SMC1B: variants seen among roughly 807,000 people sequenced by gnomAD.
SMC1B encodes the protein structural maintenance of chromosomes 1B.
SMC1B carries 60 observed loss-of-function variants against 157.9 expected under a neutral mutation model. The ratio of observed to expected loss-of-function variants is 0.38; its 90% CI spans 0.31 to 0.47. SMC1B has a LOEUF of 0.47. Ranked by LOEUF, SMC1B falls within the 20% of genes least tolerant of loss-of-function variation. The pLI is 0.99. For missense variants in SMC1B, 1,165 were observed against 1,426.2 expected (o/e 0.82, Z 2.95); for synonymous variants, 445 against 483.0 (o/e 0.92, Z 1.03).
At chr22:45,345,170 T>C (rs1329684525) in intron 24 of SMC1B, among the ~76,000 whole-genome samples, 2 of 152,248 alleles carry the variant, frequency 1.3e-5, no homozygotes, top group Non-Finnish European at 2.9e-5. Context: ...AAATAAGAAG[T>C]ATAATGTTAA....
intron 5 of SMC1B, 76 bp downstream of exon 5, chr22:45,402,257 C>T: frequency 2.0e-6 from 2 of 988,438 alleles, no homozygotes; most frequent in Non-Finnish European, 3.1e-6. Flanking sequence ...AATCAATTTT[C>T]AAAGTGTCAC....
chr22:45,395,537 T>G (rs1233011131), intron 7 of SMC1B, among the ~76,000 whole-genome samples: 1 of 152,230 alleles, frequency 6.6e-6, no homozygotes, highest in Non-Finnish European at 1.5e-5. Flanking sequence ...TTAATTTTTA[T>G]GCGATCTGAC....
intron 15 of SMC1B, among the ~76,000 whole-genome samples, chr22:45,367,310 C>T (rs2086785991): frequency 6.6e-6 from 1 of 152,184 alleles, no homozygotes; most frequent in Non-Finnish European, 1.5e-5. Context: ...CGCTGATAGG[C>T]TCACTGCCTG....
intron 21 of SMC1B, 74 bp downstream of exon 21, chr22:45,353,904 A>AAC: frequency 1.6e-6 from 1 of 626,828 alleles, no homozygotes; most frequent in Non-Finnish European, 2.4e-6. Context: ...AAAAAAAAAA[A>AAC]AAAAAAAAAA....
At chr22:45,388,856 C>A (rs2087021164) in intron 10 of SMC1B, among the ~76,000 whole-genome samples, 1 of 151,384 alleles carries the variant, frequency 6.6e-6, no homozygotes. Context: ...GGCGTGCTGG[C>A]ACATACCTGT....
chr22:45,378,851 A>G (rs1169238723), intron 12 of SMC1B, among the ~76,000 whole-genome samples: 3 of 152,254 alleles, frequency 2.0e-5, no homozygotes, highest in Non-Finnish European at 2.9e-5. Flanking sequence ...AATTGTAAGT[A>G]CTTACTGAAA....
chr22:45,360,151 A>G (rs2146775092), intron 17 of SMC1B, among the ~76,000 whole-genome samples, 193 bp from the exon 18 acceptor site: 1 of 152,306 alleles, frequency 6.6e-6, no homozygotes, highest in East Asian at 1.9e-4. Context: ...GAATATACTC[A>G]GTTAATCTAA....
At chr22:45,394,469 A>G (rs1177863225) in intron 8 of SMC1B, among the ~76,000 whole-genome samples, 2 of 152,024 alleles carry the variant, frequency 1.3e-5, no homozygotes, top group East Asian at 3.9e-4. Flanking sequence ...GTGAAACCCC[A>G]TCTTTACCAG....
At chr22:45,346,455 A>G (rs2086553035) in intron 23 of SMC1B, among the ~76,000 whole-genome samples, 2 of 152,150 alleles carry the variant, frequency 1.3e-5, no homozygotes, top group South Asian at 4.1e-4. Flanking sequence ...CCAAGAAGAG[A>G]AAAACTACCA....
Position 45,359,955 on chromosome 22 carries a change from T to C in SMC1B, c.2712A>G (p.Glu904=), listed in dbSNP as rs2086705834. 1 of 1,612,658 alleles carries C rather than the reference T, an allele frequency of 6.2e-7. No homozygotes were observed. The highest frequency in any genetic ancestry group is 1.3e-5 in the African/African-American group (1 of 74,906). The stretch of plus-strand genomic sequence containing the variant: ...CAACTTCTTTTTGCAATTTCCCCAC[T>C]TCCCTGTAATTACACAGATATGAAA... ...ERKKFLAVDR[E]VGKLQKEVVS... is the part of the protein sequence containing the mutation. The change falls in exon 18 of 25, where the codon GAA becomes GAG. Residue 904 remains glutamate, a synonymous_variant. Coordinates refer to ENST00000357450, the MANE Select transcript of SMC1B (RefSeq NM_148674.5).
intron 11 of SMC1B, among the ~76,000 whole-genome samples, chr22:45,385,307 G>A (rs545239076): frequency 6.6e-6 from 1 of 152,016 alleles, no homozygotes; most frequent in Non-Finnish European, 1.5e-5. Flanking sequence ...AAGTAAACAA[G>A]TAAACCAAAA....
At chr22:45,394,846 T>A in intron 7 of SMC1B, 79 bp from the exon 8 acceptor site, 3 of 1,274,680 alleles carry the variant, frequency 2.4e-6, no homozygotes, top group Non-Finnish European at 3.0e-6. Context: ...CTTACTATAA[T>A]ATTATAAGCT....
intron 11 of SMC1B, among the ~76,000 whole-genome samples, chr22:45,385,657 CTTTAA>C (rs1028864369): frequency 8.2e-4 from 124 of 152,142 alleles, no homozygotes; most frequent in Middle Eastern, 3.4e-3. Flanking sequence ...CATGTGACTT[CTTTAA>C]TTTGACTATA....
In SMC1B at chr22:45,408,914, G is replaced by A; in HGVS notation, c.110-16C>T. ...TTAGATTTTCCTGGGGAAGAAAAGAGATAAAACATTATTCATTCTTAATGA... is the reference window on the plus strand; with the variant it reads ...TTAGATTTTCCTGGGGAAGAAAAGAAATAAAACATTATTCATTCTTAATGA... On this transcript the variant is annotated splice_polypyrimidine_tract_variant and intron_variant, in intron 1 of 24. Transcript: ENST00000357450. 1 of 1,427,668 alleles carries A rather than the reference G, an allele frequency of 7.0e-7. No individual in the cohort carries two copies. Among genetic ancestry groups the A allele is most frequent in the Non-Finnish European group, 9.3e-7 (1 of 1,070,264 alleles). 88.4% of individuals were successfully genotyped at this position (1,427,668 alleles called of 1,614,324 possible).
At chr22:45,357,894 T>TG (rs1205968958) in intron 19 of SMC1B, among the ~76,000 whole-genome samples, 3 of 152,184 alleles carry the variant, frequency 2.0e-5, no homozygotes, top group African/African-American at 4.8e-5. Flanking sequence ...AGCTGACTGT[T>TG]GGAGGATGGG....
Position 45,395,951 on chromosome 22 carries a change from G to A in SMC1B, c.1254+395C>T, listed in dbSNP as rs1259210681. On this transcript the variant is annotated intron_variant, in intron 7 of 24. Coordinates refer to ENST00000357450, the MANE Select transcript of SMC1B (RefSeq NM_148674.5). Reference sequence around the variant, plus strand: ...AAAGGAGGGCCAGGGAAGGCTTTGCGGTGTTGGTAACTCTAGATTTTAACA... The same window carrying A: ...AAAGGAGGGCCAGGGAAGGCTTTGCAGTGTTGGTAACTCTAGATTTTAACA... Among the ~76,000 whole-genome samples, 13 of 152,126 alleles carry A rather than the reference G, an allele frequency of 8.5e-5. 2 individuals carry two copies. The East Asian group carries it at 1.7e-3, about 20-fold the overall frequency.
Position 45,383,455 on chromosome 22 carries a change from A to G in SMC1B, c.2058+12T>C, listed in dbSNP as rs136585. ...TACTTAGTATATTACAACTTTTATG[A>G]CATGGATTTACCTTTAGCTCTTGGA... is the stretch of plus-strand genomic sequence containing the variant. On this transcript the variant is annotated intron_variant, in intron 12 of 24. Coordinates refer to ENST00000357450, the MANE Select transcript of SMC1B (RefSeq NM_148674.5). The G allele has an allele frequency of 0.52, 808,375 of 1,564,912 alleles. 218,304 individuals are homozygous for G. Among genetic ancestry groups the G allele is most frequent in the African/African-American group, 0.9 (65,007 of 72,072 alleles).
intron 22 of SMC1B, among the ~76,000 whole-genome samples, chr22:45,350,402 C>T (rs1428474717): frequency 2.6e-5 from 4 of 152,392 alleles, no homozygotes; most frequent in African/African-American, 7.2e-5. Context: ...CTCAGCCTCC[C>T]GAGTAGCTGG....
chr22:45,383,386 C>T (rs2086956916), intron 12 of SMC1B, 81 bp downstream of exon 12: 1 of 985,508 alleles, frequency 1.0e-6, no homozygotes, highest in South Asian at 2.4e-5. Context: ...AGAATTGGCA[C>T]TGTTATTATA....
Sources: gnomAD v4.1 joint callset for allele counts (sites outside exome capture counted in the v4.1 genomes callset) on GRCh38, gnomAD v4.1.1 for gene constraint, MANE v1.5 for transcripts, NCBI Gene and HGNC (gene_info 2026-07-23, HGNC 2026-07-21) for gene names.